The following TTN variants were observed in gnomAD, a reference collection of about 807,000 sequenced individuals.
TTN encodes connectin.
Under a neutral mutation model 3,223.0 loss-of-function variants are expected in TTN, and 1,525 were observed. That is an observed-to-expected ratio of 0.47 (90% CI 0.45 to 0.49). TTN has a LOEUF of 0.49. TTN is among the 20% of genes least tolerant of loss of function. TTN has a pLI of 0.00. For missense variants in TTN, 40,786 were observed against 43,424.0 expected, an observed-to-expected ratio of 0.94 and a Z score of 5.40; for synonymous variants, 14,094 against 15,161.0, an observed-to-expected ratio of 0.93 and a Z score of 5.17.
chr2:178,576,565 C>G lies in TTN; in HGVS notation c.69679G>C (p.Glu23227Gln), dbSNP rs765429292. 1.9e-6 allele frequency: 3 copies of G among 1,613,480 alleles called. No homozygotes were observed. Among genetic ancestry groups the G allele is most frequent in the Non-Finnish European group, 2.5e-6 (3 of 1,179,650 alleles). ...ENRAGIGPPS[E>Q]ASDSVLMKDA... Reference sequence around the variant, plus strand: ...TTCATCAGAACAGAATCTGAAGCCTCACTGGGTGGACCAATTCCTGCTCTG... The same window carrying G: ...TTCATCAGAACAGAATCTGAAGCCTGACTGGGTGGACCAATTCCTGCTCTG... Residue 23227 changes from glutamate to glutamine, a missense_variant, in exon 325 of 363, where the codon GAG becomes CAG. Physicochemically the swap from Glu to Gln is conservative, Grantham distance 29 (BLOSUM62 2). Transcript: ENST00000589042. This position sits in a 1 kb window ranked among gnomAD's most constrained non-coding sequence, Gnocchi z 4.3.
chr2:178,537,435 T>G lies in TTN; in HGVS notation c.99772A>C (p.Asn33258His). The G allele has an allele frequency of 1.2e-6, 2 of 1,613,032 alleles. No individual in the cohort carries two copies. Among genetic ancestry groups the G allele is most frequent in the Non-Finnish European group, 1.7e-6 (2 of 1,179,400 alleles). Reference protein sequence around the residue: ...TEHYTHLVMKNVQRKTHAGKY... With the variant: ...TEHYTHLVMKHVQRKTHAGKY... ...CCAGCATGAGTCTTACGTTGGACAT[T>G]CTTCATGACAAGATGAGTATAGTGC... The change falls in exon 355 of 363, where the codon AAT (asparagine) becomes CAT (histidine). Residue 33258 changes from asparagine to histidine, a missense_variant. By Grantham distance (68) the Asn-to-His change is moderately conservative. Coordinates refer to ENST00000589042, the MANE Select transcript of TTN (RefSeq NM_001267550.2).
In TTN at chr2:178,534,952, A is replaced by G. The variant is rs549890031; in HGVS notation, c.101663T>C (p.Leu33888Ser). 1.9e-6 allele frequency: 3 copies of G among 1,612,780 alleles called. No homozygotes were observed. Among genetic ancestry groups the G allele is most frequent in the East Asian group, 4.5e-5 (2 of 44,864 alleles). Residue 33888 changes from leucine (L) to serine (S), a missense_variant, in exon 358 of 363, where the codon TTA (leucine) becomes TCA (serine). Coordinates refer to ENST00000589042, the MANE Select transcript of TTN (RefSeq NM_001267550.2). ...TGATATAAACTCAAAGATCATAACT[A>G]ATTCTTCCATGCTTTCAAATGATTC... Reference protein sequence around the residue: ...LHESFESMEELVMIFEFISGL... With the variant: ...LHESFESMEESVMIFEFISGL...
Position 178,790,814 on chromosome 2 carries a change from G to A in TTN, c.1694C>T (p.Ser565Phe), listed in dbSNP as rs762175397. 3.7e-6 allele frequency: 6 copies of A among 1,613,996 alleles called. No homozygotes were observed. The highest frequency in any genetic ancestry group is 4.5e-5 in the East Asian group (2 of 44,888). Residue 565 changes from serine to phenylalanine, a missense_variant, in exon 11 of 363, where the codon TCC (serine) becomes TTC (phenylalanine). Ser to Phe is a radical substitution (Grantham distance 155). Coordinates refer to ENST00000589042, the MANE Select transcript of TTN (RefSeq NM_001267550.2). ...CTTTGCAGTGGCAACTACCACCATGGATGCAGCAGTTATCTCAGTTTCCTG... is the reference window on the plus strand; with the variant it reads ...CTTTGCAGTGGCAACTACCACCATGAATGCAGCAGTTATCTCAGTTTCCTG... ...IRQETEITAASMVVVATAKST... is the reference protein window; with the variant it reads ...IRQETEITAAFMVVVATAKST...
In TTN at chr2:178,585,055, T is replaced by A. The variant is rs1477369679; in HGVS notation, c.64672+17A>T. The A allele has an allele frequency of 6.2e-7, 1 of 1,605,470 alleles. No individual in the cohort carries two copies. The highest frequency in any genetic ancestry group is 2.2e-5 in the East Asian group (1 of 44,794). ...AGCTTCATATTTAGATGGCCATTTGTCTAATACTTAACTTACCCATGACTA... is the reference window on the plus strand; with the variant it reads ...AGCTTCATATTTAGATGGCCATTTGACTAATACTTAACTTACCCATGACTA... On this transcript the variant is annotated intron_variant, in intron 309 of 362. Transcript: ENST00000589042.
Position 178,723,590 on chromosome 2 carries a change from C to T in TTN, c.21510G>A (p.Trp7170Ter). The T allele has an allele frequency of 6.2e-7, 1 of 1,613,274 alleles. No individual in the cohort carries two copies. The highest frequency in any genetic ancestry group is 1.3e-5 in the African/African-American group (1 of 75,002). The change falls in exon 74 of 363, where the codon TGG becomes TGA. Residue 7170 changes from tryptophan (W) to a stop codon, truncating the protein, a stop_gained. Transcript: ENST00000589042. LOFTEE classifies it high-confidence loss of function. ...IRGTPPFKVN[W>*]FRGARELVKG... ...TCACTAGTTCTCTGGCACCTCTGAA[C>T]CAGTTGACTTTGAATGGAGGGGTTC...
At chr2:178,665,877 G>A in intron 163 of TTN, 86 bp from the exon 164 acceptor site, 1 of 605,218 alleles carries the variant, frequency 1.7e-6, no homozygotes, top group Non-Finnish European at 2.4e-6. Context: ...GAACATTCCA[G>A]ATGGGAACCT....
chr2:178,739,400 A>G lies in TTN; in HGVS notation c.13833T>C (p.Pro4611=). ...CTTCCTCAGAAACAGTGTCCACTAA[A>G]GGTGTATGTATCATGGGGCCATCCT... ...IKEDGPMIHT[P]LVDTVSEEGD... The change falls in exon 48 of 363, where the codon CCT becomes CCC. Residue 4611 remains proline, a synonymous_variant. Transcript: ENST00000589042. 6.2e-7 allele frequency: 1 copy of G among 1,613,872 alleles called. No individual in the cohort carries two copies.
In TTN at chr2:178,753,153, A is replaced by G. The variant is rs758073208; in HGVS notation, c.11282T>C (p.Ile3761Thr). 19 of 1,609,476 alleles carry G rather than the reference A, an allele frequency of 1.2e-5. No homozygotes were observed. The highest frequency in any genetic ancestry group is 2.2e-5 in the East Asian group (1 of 44,588). Residue 3761 changes from isoleucine to threonine, a missense_variant, in exon 47 of 363, where the codon ATT (isoleucine) becomes ACT (threonine). Physicochemically the swap from Ile to Thr is moderately conservative, Grantham distance 89. Transcript: ENST00000589042. ...CATTTCCATCTCAATCTCTTGTTCA[A>G]TCCTCTCATGCAAAATTGATTCAGG... ...GAPESILHER[I>T]EQEIEMEMKE...
chr2:178,574,262 G>T lies in TTN; in HGVS notation c.71870C>A (p.Thr23957Asn). ...KPEYTGGFKITSYIVEKRDLP... is the reference protein window; with the variant it reads ...KPEYTGGFKINSYIVEKRDLP... ...GTCTCTCTTTTCAACGATATAACTG[G>T]TAATTTTAAAGCCCCCAGTATATTC... The change falls in exon 326 of 363, where the codon ACC becomes AAC. Residue 23957 changes from threonine to asparagine, a missense_variant. Physicochemically the swap from Thr to Asn is moderately conservative, Grantham distance 65 (BLOSUM62 0). Transcript: ENST00000589042. The T allele has an allele frequency of 6.2e-7, 1 of 1,612,708 alleles. No individual in the cohort carries two copies. Among genetic ancestry groups the T allele is most frequent in the Non-Finnish European group, 8.5e-7 (1 of 1,179,058 alleles).
chr2:178,710,714 T>C lies in TTN; in HGVS notation c.28383A>G (p.Lys9461=). The change falls in exon 98 of 363, where the codon AAA becomes AAG. Residue 9461 remains lysine, a synonymous_variant. Transcript: ENST00000589042. ...SAHLTVLKVD[K]GDSGQYTCYA... Reference sequence around the variant, plus strand: ...AGCAGGTATATTGTCCAGAATCTCCTTTGTCTACTTTGAGGACTGTCAGGT... The same window carrying C: ...AGCAGGTATATTGTCCAGAATCTCCCTTGTCTACTTTGAGGACTGTCAGGT... The C allele has an allele frequency of 1.2e-6, 2 of 1,613,774 alleles. No homozygotes were observed. Among genetic ancestry groups the C allele is most frequent in the South Asian group, 2.2e-5 (2 of 91,076 alleles).
In TTN at chr2:178,729,360, T is replaced by C. The variant is rs761009610; in HGVS notation, c.18796A>G (p.Thr6266Ala). The C allele has an allele frequency of 3.7e-6, 6 of 1,613,542 alleles. No individual in the cohort carries two copies. In the Admixed American group the frequency reaches 5.0e-5, roughly 13 times the overall value. Residue 6266 changes from threonine (T) to alanine (A), a missense_variant, in exon 64 of 363, where the codon ACT becomes GCT. Coordinates refer to ENST00000589042, the MANE Select transcript of TTN (RefSeq NM_001267550.2). Reference protein sequence around the residue: ...LHITKCDPSDTGEYQCIVSNE... With the variant: ...LHITKCDPSDAGEYQCIVSNE... ...GATACAATGCACTGGTATTCCCCAGTGTCTGAAGGGTCACACTTGGTTATA... is the reference window on the plus strand; with the variant it reads ...GATACAATGCACTGGTATTCCCCAGCGTCTGAAGGGTCACACTTGGTTATA...
chr2:178,646,106 A>T (rs185968622), intron 216 of TTN, 76 bp from the exon 217 acceptor site: 1,355 of 70,228 alleles, frequency 0.019, 42 homozygotes, highest in South Asian at 0.13. Context: ...AATAGAAATT[A>T]TATATATATA....
At chr2:178,629,622 A>C (rs2059539849) in intron 239 of TTN, among the ~76,000 whole-genome samples, 179 bp from the exon 240 acceptor site, 1 of 152,172 alleles carries the variant, frequency 6.6e-6, no homozygotes, top group Non-Finnish European at 1.5e-5. Flanking sequence ...GCTGGTAGCC[A>C]GAGAGCGAGT....
chr2:178,527,244 G>T lies in TTN; in HGVS notation c.107744C>A (p.Thr35915Lys), dbSNP rs768221453. 2 of 1,613,474 alleles carry T rather than the reference G, an allele frequency of 1.2e-6. No individual in the cohort carries two copies. The highest frequency in any genetic ancestry group is 2.7e-5 in the African/African-American group (2 of 75,026). Residue 35915 changes from threonine (T) to lysine (K), a missense_variant, in exon 363 of 363, where the codon ACA (threonine) becomes AAA (lysine). By Grantham distance (78) the Thr-to-Lys change is moderately conservative. Coordinates refer to ENST00000589042, the MANE Select transcript of TTN (RefSeq NM_001267550.2). ...DISIDEGKVL[T>K]VACAFTGEPT... is the part of the protein sequence containing the mutation. ...CTCACCCGTGAAAGCACAGGCTACT[G>T]TTAGAACTTTGCCTTCATCAATGCT... is the stretch of plus-strand genomic sequence containing the variant.
Position 178,573,462 on chromosome 2 carries a change from C to T in TTN, c.72670G>A (p.Asp24224Asn), listed in dbSNP as rs775487933. The T allele has an allele frequency of 4.6e-6, 7 of 1,514,844 alleles. No individual in the cohort carries two copies. Among genetic ancestry groups the T allele is most frequent in the Non-Finnish European group, 6.2e-6 (7 of 1,135,274 alleles). 93.8% of individuals were successfully genotyped at this position (1,514,844 alleles called of 1,614,324 possible). A position where few individuals can be genotyped will look rare whatever the true frequency, so the allele number is the denominator to read the frequency against. Residue 24224 changes from aspartate (D) to asparagine (N), a missense_variant, in exon 326 of 363, where the codon GAT (aspartate) becomes AAT (asparagine). Transcript: ENST00000589042. ...GTCACTTCAGGGTTTTTGGGCGGATCAGGGGGTCCATAAGGATTCACTGCA... is the reference window on the plus strand; with the variant it reads ...GTCACTTCAGGGTTTTTGGGCGGATTAGGGGGTCCATAAGGATTCACTGCA... ...VLAVNPYGPP[D>N]PPKNPEVTTI...
rs754735209 is a variant in TTN, at chr2:178,720,874, C to G, written c.23098+47G>C. ...TGGAACTCATAACTTTGCTAAGAGC[C>G]CAAATCAGAGGAGAATAAAGAAACA... is the stretch of plus-strand genomic sequence containing the variant. On this transcript the variant is annotated intron_variant, in intron 79 of 362. Coordinates refer to ENST00000589042, the MANE Select transcript of TTN (RefSeq NM_001267550.2). 5 of 1,519,850 alleles carry G rather than the reference C, an allele frequency of 3.3e-6. No homozygotes were observed. The Admixed American group carries it at 1.1e-4, about 34-fold the overall frequency. 94.1% of individuals were successfully genotyped at this position (1,519,850 alleles called of 1,614,324 possible). A position where few individuals can be genotyped will look rare whatever the true frequency, so the allele number is the denominator to read the frequency against.
chr2:178,709,506 T>C, intron 99 of TTN, 60 bp downstream of exon 99: 3 of 1,515,590 alleles, frequency 2.0e-6, no homozygotes, highest in Non-Finnish European at 1.8e-6. Context: ...GAAATGCTCA[T>C]GGATATATAA....
rs770767998 is a variant in TTN, at chr2:178,629,441, G to A, written c.44284C>T (p.Arg14762Ter). ...AAAGGCCTCAGAAGACCAATTACTCGTGCTTTTCGAGAGGGAAGAAACAGC... is the reference window on the plus strand; with the variant it reads ...AAAGGCCTCAGAAGACCAATTACTCATGCTTTTCGAGAGGGAAGAAACAGC... ...KSSAHLRVKPRVIGLLRPLKD... is the reference protein window; with the variant it reads ...KSSAHLRVKP The change falls in exon 240 of 363, where the codon CGA becomes TGA. Residue 14762 changes from arginine (R) to a stop codon, truncating the protein, a stop_gained and splice_region_variant. Transcript: ENST00000589042. LOFTEE classifies it high-confidence loss of function. The A allele has an allele frequency of 1.2e-6, 2 of 1,612,698 alleles. No homozygotes were observed. The highest frequency in any genetic ancestry group is 1.7e-6 in the Non-Finnish European group (2 of 1,179,176).
rs1292868903 is a variant in TTN, at chr2:178,624,488, G to A, written c.44792C>T (p.Thr14931Ile). ...TYTCDAKDFK[T>I]SCNLNVVPPH... ...ACGCACGACATTCAGGTTACAGGAA[G>A]TCTTAAAATCCTTAGCATCACAAGT... Residue 14931 changes from threonine (T) to isoleucine (I), a missense_variant, in exon 242 of 363, where the codon ACT (threonine) becomes ATT (isoleucine). Transcript: ENST00000589042. 3 of 1,612,446 alleles carry A rather than the reference G, an allele frequency of 1.9e-6. No individual in the cohort carries two copies. Among genetic ancestry groups the A allele is most frequent in the Non-Finnish European group, 2.5e-6 (3 of 1,179,024 alleles).
Sources: allele counts gnomAD v4.1 joint callset (sites outside exome capture counted in the v4.1 genomes callset), GRCh38; gene constraint gnomAD v4.1.1; non-coding constraint Gnocchi (gnomAD v3.1); transcripts MANE v1.5; gene names NCBI Gene and HGNC (gene_info 2026-07-23, HGNC 2026-07-21).